TMEM220: variants seen among roughly 807,000 people sequenced by gnomAD.
The protein encoded by TMEM220 is transmembrane protein 220.
TMEM220 carries 21 observed loss-of-function variants against 21.7 expected under a neutral mutation model. The observed-to-expected ratio is 0.97, with a 90% CI of 0.69 to 1.39. The LOEUF (loss-of-function observed/expected upper bound fraction) is 1.39, where lower values mean the gene tolerates loss of function less well. Ranked by LOEUF, TMEM220 falls within the 40% of genes most tolerant of loss-of-function variation. The pLI is 0.00. For synonymous variants in TMEM220, 80 were observed against 73.6 expected (o/e 1.09, Z -0.45); for missense variants, 191 against 201.9 (o/e 0.95, Z 0.33).
chr17:10,724,649 C>T, intron 4 of TMEM220: 1 of 184,952 alleles, frequency 5.4e-6, no homozygotes, highest in Non-Finnish European at 1.1e-5. Flanking sequence ...CTGGCTTAAA[C>T]CAGAACTGAA....
At chr17:10,711,324 G>T (rs947024437), downstream of TMEM220, 2 of 622,194 alleles carry the variant, frequency 3.2e-6, no homozygotes, top group Non-Finnish European at 2.7e-6. Context: ...TGTATCCATT[G>T]TAAGTTAGAA....
At chr17:10,729,359 A>C (rs186518152) in intron 1 of TMEM220, among the ~76,000 whole-genome samples, 67 of 152,234 alleles carry the variant, frequency 4.4e-4, no homozygotes, top group African/African-American at 1.6e-3. Flanking sequence ...CACCAGTCTC[A>C]AGAAATGAGG....
At chr17:10,728,827 A>G (rs2075083900) in intron 2 of TMEM220, among the ~76,000 whole-genome samples, 1 of 152,198 alleles carries the variant, frequency 6.6e-6, no homozygotes. Context: ...CTGTTTCCAG[A>G]AAGTTCGAAA....
At chr17:10,723,401 T>C (rs1005014198) in intron 4 of TMEM220, 72 bp from the exon 5 acceptor site, 1 of 1,107,664 alleles carries the variant, frequency 9.0e-7, no homozygotes, top group African/African-American at 1.5e-5. Context: ...ATTCTCTCCA[T>C]GACCACCTGA....
At chr17:10,726,051 T>C (rs1042506661) in intron 3 of TMEM220, among the ~76,000 whole-genome samples, 153 bp downstream of exon 3, 3 of 152,200 alleles carry the variant, frequency 2.0e-5, no homozygotes, top group African/African-American at 7.2e-5. Flanking sequence ...TGAAGATGGG[T>C]AAGGATGATT....
In TMEM220 at chr17:10,729,905, GTCCTGCCACGTACGGTCCGCCTTCC is replaced by G; in HGVS notation, c.-79_-55del. 7.9e-7 allele frequency: 1 copy of G among 1,273,460 alleles called. No homozygotes were observed. Among genetic ancestry groups the G allele is most frequent in the Non-Finnish European group, 9.9e-7 (1 of 1,007,922 alleles). The allele number at this position is 1,273,460 out of a possible 1,614,324, so 78.9% of individuals were successfully genotyped here. ...AGTCCTGCCACGTGCGGGGCGGTGA[GTCCTGCCACGTACGGTCCGCCTTCC>G]TCCTTGCGCGGAGGGACCGAGACCC... On this transcript the variant is annotated 5_prime_UTR_variant, in exon 1 of 6. Coordinates refer to ENST00000341871, the MANE Select transcript of TMEM220 (RefSeq NM_001004313.3).
At chr17:10,717,886 T>A (rs2074941363) in intron 5 of TMEM220, among the ~76,000 whole-genome samples, 1 of 152,112 alleles carries the variant, frequency 6.6e-6, no homozygotes, top group Non-Finnish European at 1.5e-5. Context: ...TACAGTGTGA[T>A]GTCGGCTCAT....
intron 5 of TMEM220, among the ~76,000 whole-genome samples, chr17:10,719,394 A>G (rs754674500): frequency 1.6e-4 from 24 of 151,978 alleles, no homozygotes; most frequent in Non-Finnish European, 3.5e-4. Flanking sequence ...CAGCCTCCCA[A>G]GTAGCTGGGA....
At chr17:10,724,943 T>C (rs2075031557) in intron 4 of TMEM220, 68 bp downstream of exon 4, 1 of 1,602,060 alleles carries the variant, frequency 6.2e-7, no homozygotes, top group Non-Finnish European at 8.5e-7. Context: ...AGATGAGGTG[T>C]TGCAAACACG....
chr17:10,712,538 A>G (rs1249476196), downstream of TMEM220, among the ~76,000 whole-genome samples: 1 of 152,262 alleles, frequency 6.6e-6, no homozygotes, highest in Non-Finnish European at 1.5e-5. Context: ...ACAGACATCC[A>G]TGATTCAAGT....
intron 5 of TMEM220, 91 bp downstream of exon 5, chr17:10,723,178 AC>A: frequency 9.4e-7 from 1 of 1,064,158 alleles, no homozygotes; most frequent in Non-Finnish European, 1.5e-6. Flanking sequence ...ACAGGGTTTG[AC>A]CATATTGGCC....
At position 10,729,915 on chromosome 17, in the gene TMEM220, G is replaced by A. The variant is rs2075107477; in HGVS notation, c.-64C>T. The stretch of plus-strand genomic sequence containing the variant: ...CGTGCGGGGCGGTGAGTCCTGCCAC[G>A]TACGGTCCGCCTTCCTCCTTGCGCG... On this transcript the variant is annotated 5_prime_UTR_variant, in exon 1 of 6. It adds an upstream start codon to the 5' untranslated region. Coordinates refer to ENST00000341871, the MANE Select transcript of TMEM220 (RefSeq NM_001004313.3). 20 of 1,263,366 alleles carry A rather than the reference G, an allele frequency of 1.6e-5. No homozygotes were observed. Among genetic ancestry groups the A allele is most frequent in the Non-Finnish European group, 1.9e-5 (19 of 1,002,134 alleles). The allele number at this position is 1,263,366 out of a possible 1,614,324, so 78.3% of individuals were successfully genotyped here.
chr17:10,714,913 CTG>C lies in TMEM220; in HGVS notation c.*538_*539del, dbSNP rs1217679021. ...CTCCAGCCTGGGCAATAGAGTGGGA[CTG>C]TCTTAAAAAAAAAAAAAGATCGGGG... On this transcript the variant is annotated 3_prime_UTR_variant, in exon 6 of 6. Coordinates refer to ENST00000341871, the MANE Select transcript of TMEM220 (RefSeq NM_001004313.3). The C allele has an allele frequency of 1.1e-3, 131 of 118,336 alleles. No individual in the cohort carries two copies. The highest frequency in any genetic ancestry group is 4.7e-3 in the African/African-American group (125 of 26,470). 7.3% of individuals were successfully genotyped at this position (118,336 alleles called of 1,614,324 possible). A position where few individuals can be genotyped will look rare whatever the true frequency, so the allele number is the denominator to read the frequency against.
intron 5 of TMEM220, among the ~76,000 whole-genome samples, chr17:10,719,680 C>T (rs965571570): frequency 4.6e-5 from 7 of 152,132 alleles, no homozygotes; most frequent in Non-Finnish European, 8.8e-5. Flanking sequence ...GAAGGTTTTC[C>T]TAACTATGAC....
At chr17:10,722,709 T>A (rs2151476954) in intron 5 of TMEM220, among the ~76,000 whole-genome samples, 1 of 152,350 alleles carries the variant, frequency 6.6e-6, no homozygotes, top group South Asian at 2.1e-4. Context: ...ATATTGTCTT[T>A]GCTCTTCATT....
intron 1 of TMEM220, 141 bp from the exon 2 acceptor site, chr17:10,729,201 T>C (rs2075090385): frequency 1.9e-5 from 17 of 897,074 alleles, no homozygotes; most frequent in Non-Finnish European, 3.0e-5. Context: ...CTGAACAGGA[T>C]ATAGTCCAGA....
intron 5 of TMEM220, among the ~76,000 whole-genome samples, chr17:10,721,084 C>A (rs2074983102): frequency 6.6e-6 from 1 of 152,134 alleles, no homozygotes; most frequent in South Asian, 2.1e-4. Flanking sequence ...TATGAATTCA[C>A]GAACATTGCA....
Position 10,714,582 on chromosome 17 carries a change from TCTC to T in TMEM220, c.*868_*870del, listed in dbSNP as rs2074886417. 1 of 152,228 alleles carries T rather than the reference TCTC, an allele frequency of 6.6e-6. No individual in the cohort carries two copies. The highest frequency in any genetic ancestry group is 2.1e-4 in the South Asian group (1 of 4,830). 9.4% of individuals were successfully genotyped at this position (152,228 alleles called of 1,614,324 possible). A position where few individuals can be genotyped will look rare whatever the true frequency, so the allele number is the denominator to read the frequency against. On this transcript the variant is annotated 3_prime_UTR_variant, in exon 6 of 6. Coordinates refer to ENST00000341871, the MANE Select transcript of TMEM220 (RefSeq NM_001004313.3). ...CCTGCTCATTTGATTCATCTAGAGT[TCTC>T]CTTTAGTTCACTGCACTATGCCAGC... is the stretch of plus-strand genomic sequence containing the variant.
chr17:10,723,399 C>T (rs2075015631), intron 4 of TMEM220, 70 bp from the exon 5 acceptor site: 1 of 1,130,044 alleles, frequency 8.8e-7, no homozygotes, highest in South Asian at 1.2e-5. Context: ...ACATTCTCTC[C>T]ATGACCACCT....
Sources: allele counts gnomAD v4.1 joint callset (sites outside exome capture counted in the v4.1 genomes callset), GRCh38; gene constraint gnomAD v4.1.1; transcripts MANE v1.5; gene names NCBI Gene and HGNC (gene_info 2026-07-23, HGNC 2026-07-21).